Variants in GPR146 observed in about 807,000 individuals in gnomAD.
The protein encoded by GPR146 is G-protein coupled receptor 146.
For missense variants in GPR146, 381 were observed against 213.9 expected, an observed-to-expected ratio of 1.78 and a Z score of -4.87; for synonymous variants, 203 against 104.3, an observed-to-expected ratio of 1.95 and a Z score of -5.77.
chr7:1,053,593 C>T (rs1031288222), intron 1 of GPR146, among the ~76,000 whole-genome samples: 1 of 152,138 alleles, frequency 6.6e-6, no homozygotes, highest in Non-Finnish European at 1.5e-5. Flanking sequence ...TTTGGGAGGC[C>T]GAGGTGGGCG....
At position 1,052,702 on chromosome 7, in the gene GPR146, C is replaced by A. The variant is rs1399690895; in HGVS notation, c.-24-4790C>A. On this transcript the variant is annotated intron_variant, in intron 1 of 1. Coordinates refer to ENST00000444847, the MANE Select transcript of GPR146 (RefSeq NM_001303473.2). The surrounding 1 kb of genome is among the most constrained non-coding windows in gnomAD (Gnocchi z 4.2). ...CTGGCTGAGGGTGCAGTGGCGGGCC[C>A]CGGAAGCTGAATATCACCCCCGCCA... Among the ~76,000 whole-genome samples the A allele has an allele frequency of 6.6e-6, 1 of 152,034 alleles. No homozygotes were observed. Among genetic ancestry groups the A allele is most frequent in the Non-Finnish European group, 1.5e-5 (1 of 68,010 alleles).
chr7:1,053,300 G>GT (rs1783330313), intron 1 of GPR146, among the ~76,000 whole-genome samples: 1 of 152,270 alleles, frequency 6.6e-6, no homozygotes, highest in African/African-American at 2.4e-5. Flanking sequence ...GGACGCAGGT[G>GT]TGGCGACGGC....
chr7:1,047,841 C>T (rs1487260789), intron 1 of GPR146, among the ~76,000 whole-genome samples: 1 of 152,234 alleles, frequency 6.6e-6, no homozygotes, highest in East Asian at 1.9e-4. Context: ...CCTTTCTACT[C>T]AGTGGGGAAA....
chr7:1,057,118 C>G (rs983650673), intron 1 of GPR146, among the ~76,000 whole-genome samples: 1 of 152,064 alleles, frequency 6.6e-6, no homozygotes, highest in African/African-American at 2.4e-5. Flanking sequence ...TGGCAAGATG[C>G]GAACACCACA....
intron 1 of GPR146, among the ~76,000 whole-genome samples, chr7:1,053,601 G>A (rs1783386119): frequency 6.6e-6 from 1 of 152,222 alleles, no homozygotes; most frequent in East Asian, 1.9e-4. Flanking sequence ...GCCGAGGTGG[G>A]CGGATCACCT....
In GPR146 at chr7:1,057,732, G is replaced by A. The variant is rs751307437; in HGVS notation, c.217G>A (p.Gly73Ser). 1 of 775,632 alleles carries A rather than the reference G, an allele frequency of 1.3e-6. No individual in the cohort carries two copies. The highest frequency in any genetic ancestry group is 1.3e-5 in the South Asian group (1 of 74,532). The allele number at this position is 775,632 out of a possible 1,614,324, so 48.0% of individuals were successfully genotyped here. A position where few individuals can be genotyped will look rare whatever the true frequency, so the allele number is the denominator to read the frequency against. ...DVYFVNMAVA[G>S]LVLSALAPVH... Reference sequence around the variant, plus strand: ...GTACTTTGTCAACATGGCAGTGGCAGGCCTGGTGCTCAGCGCCCTGGCCCC... The same window carrying A: ...GTACTTTGTCAACATGGCAGTGGCAAGCCTGGTGCTCAGCGCCCTGGCCCC... The change falls in exon 2 of 2, where the codon GGC becomes AGC. Residue 73 changes from glycine (G) to serine (S), a missense_variant. Physicochemically the swap from Gly to Ser is moderately conservative, Grantham distance 56. Coordinates refer to ENST00000444847, the MANE Select transcript of GPR146 (RefSeq NM_001303473.2).
At chr7:1,049,689 T>A (rs1410570262) in intron 1 of GPR146, among the ~76,000 whole-genome samples, 1 of 152,176 alleles carries the variant, frequency 6.6e-6, no homozygotes, top group African/African-American at 2.4e-5. Context: ...CGAAGCCCTG[T>A]CTAACATTCC....
At position 1,058,735 on chromosome 7, in the gene GPR146, C is replaced by G; in HGVS notation, c.*218C>G. 1 of 578,414 alleles carries G rather than the reference C, an allele frequency of 1.7e-6. No individual in the cohort carries two copies. Among genetic ancestry groups the G allele is most frequent in the Non-Finnish European group, 3.1e-6 (1 of 317,854 alleles). The allele number at this position is 578,414 out of a possible 1,614,324, so 35.8% of individuals were successfully genotyped here. On this transcript the variant is annotated 3_prime_UTR_variant, in exon 2 of 2. Transcript: ENST00000444847. ...GGCTTGAGTCTCCCCGAGGCCTGTGCGTCTCCCAAACACGCAGCTCAAGGT... is the reference window on the plus strand; with the variant it reads ...GGCTTGAGTCTCCCCGAGGCCTGTGGGTCTCCCAAACACGCAGCTCAAGGT...
chr7:1,055,200 A>T (rs773685586), intron 1 of GPR146: 41 of 468,768 alleles, frequency 8.7e-5, no homozygotes, highest in Non-Finnish European at 1.4e-4. Flanking sequence ...CGTTTCTGGA[A>T]CCCGGCTGTA....
chr7:1,057,946 C>G lies in GPR146; in HGVS notation c.431C>G (p.Thr144Arg), dbSNP rs73267959. The change falls in exon 2 of 2, where the codon ACG becomes AGG. Residue 144 changes from threonine (T) to arginine (R), a missense_variant. Coordinates refer to ENST00000444847, the MANE Select transcript of GPR146 (RefSeq NM_001303473.2). ...ACCTACATGGCCAGCGTGTACAACACGCGGCACGTGTGCGGCTTCGTGTGG... is the reference window on the plus strand; with the variant it reads ...ACCTACATGGCCAGCGTGTACAACAGGCGGCACGTGTGCGGCTTCGTGTGG... ...PRTYMASVYN[T>R]RHVCGFVWGG... is the part of the protein sequence containing the mutation. 1 of 773,206 alleles carries G rather than the reference C, an allele frequency of 1.3e-6. No individual in the cohort carries two copies. Among genetic ancestry groups the G allele is most frequent in the Non-Finnish European group, 2.4e-6 (1 of 418,048 alleles). 47.9% of individuals were successfully genotyped at this position (773,206 alleles called of 1,614,324 possible).
At position 1,058,034 on chromosome 7, in the gene GPR146, C is replaced by A; in HGVS notation, c.519C>A (p.Thr173=). ...LLFYICSHVS[T]RALECAKMQN... is the part of the protein sequence containing the mutation. Reference sequence around the variant, plus strand: ...TCTACATCTGCAGCCATGTGTCCACCCGCGCGCTAGAGTGCGCCAAGATGC... The same window carrying A: ...TCTACATCTGCAGCCATGTGTCCACACGCGCGCTAGAGTGCGCCAAGATGC... Residue 173 remains threonine (T), a synonymous_variant, in exon 2 of 2, where the codon ACC becomes ACA. Coordinates refer to ENST00000444847, the MANE Select transcript of GPR146 (RefSeq NM_001303473.2). 3 of 769,310 alleles carry A rather than the reference C, an allele frequency of 3.9e-6. No individual in the cohort carries two copies. The South Asian group carries it at 4.0e-5, about 10-fold the overall frequency. 47.7% of individuals were successfully genotyped at this position (769,310 alleles called of 1,614,324 possible).
chr7:1,050,350 G>GGAGCC (rs1440155828), intron 1 of GPR146, among the ~76,000 whole-genome samples: 1 of 152,260 alleles, frequency 6.6e-6, no homozygotes, highest in Admixed American at 6.5e-5. Context: ...AGCAGAGCAG[G>GGAGCC]GAGCCGTCCA....
chr7:1,051,144 C>T (rs577143368), intron 1 of GPR146, among the ~76,000 whole-genome samples: 6 of 152,336 alleles, frequency 3.9e-5, no homozygotes, highest in African/African-American at 7.2e-5. Context: ...CTACAAGCAG[C>T]GTGTGGGCAG....
At chr7:1,045,497 GCTTTAAAGGC>G (rs1401631466) in intron 1 of GPR146, 1 of 152,250 alleles carries the variant, frequency 6.6e-6, no homozygotes, top group Admixed American at 6.5e-5. Context: ...CAAGAGGCTT[GCTTTAAAGGC>G]CTCTGCAAAC....
At chr7:1,057,234 G>A (rs1012177032) in intron 1 of GPR146, among the ~76,000 whole-genome samples, 2 of 152,114 alleles carry the variant, frequency 1.3e-5, no homozygotes, top group African/African-American at 4.8e-5. Flanking sequence ...CTGAGAATGT[G>A]GGGCACACCA....
In GPR146 at chr7:1,050,591, G is replaced by A. The variant is rs367784474; in HGVS notation, c.-25+5933G>A. Among the ~76,000 whole-genome samples the A allele has an allele frequency of 3.9e-5, 6 of 152,342 alleles. No individual in the cohort carries two copies. In the East Asian group the frequency reaches 5.8e-4, roughly 15 times the overall value. On this transcript the variant is annotated intron_variant, in intron 1 of 1. Transcript: ENST00000444847. ...TCCCTGCACCCTGGTGCAGGCGGAC[G>A]GACGCGGGAGAGCCTGCAAGGAAGT...
chr7:1,047,090 AC>A (rs1375204677), intron 1 of GPR146, among the ~76,000 whole-genome samples: 5 of 152,302 alleles, frequency 3.3e-5, no homozygotes, highest in African/African-American at 1.2e-4. Context: ...GGTCTGATGT[AC>A]CTGGAGAGGG....
At chr7:1,055,763 C>A (rs1783681915) in intron 1 of GPR146, among the ~76,000 whole-genome samples, 1 of 152,176 alleles carries the variant, frequency 6.6e-6, no homozygotes, top group Admixed American at 6.5e-5. Context: ...ACAAGGCACA[C>A]AGTGAGACAG....
intron 1 of GPR146, among the ~76,000 whole-genome samples, chr7:1,049,632 C>A (rs1459595367): frequency 1.3e-5 from 2 of 152,194 alleles, no homozygotes; most frequent in Non-Finnish European, 2.9e-5. Flanking sequence ...CTAATCCAGG[C>A]CCCTGCAGAC....
Sources: gnomAD v4.1 joint callset for allele counts (sites outside exome capture counted in the v4.1 genomes callset) on GRCh38, gnomAD v4.1.1 for gene constraint, Gnocchi (gnomAD v3.1) non-coding constraint, MANE v1.5 for transcripts, NCBI Gene and HGNC (gene_info 2026-07-23, HGNC 2026-07-21) for gene names.